The following CCDC80 variants were observed in gnomAD, a reference collection of about 807,000 sequenced individuals.
CCDC80 encodes the protein coiled-coil domain-containing protein 80.
A neutral mutation model predicts 78.7 loss-of-function variants in CCDC80; 49 were observed. The ratio of observed to expected loss-of-function variants is 0.62; its 90% CI spans 0.50 to 0.79. CCDC80 has a LOEUF of 0.79. Among genes scored for constraint, CCDC80 ranks in the 30% least tolerant of loss-of-function variants. The probability of loss-of-function intolerance (pLI) is 0.00; values close to 1 mark genes in which losing one functional copy is unlikely to be tolerated. For synonymous variants in CCDC80, 488 were observed against 447.0 expected, an observed-to-expected ratio of 1.09 and a Z score of -1.16; for missense variants, 1,205 against 1,198.6, an observed-to-expected ratio of 1.01 and a Z score of -0.08.
chr3:112,614,696 A>C (rs980341369), intron 5 of CCDC80, among the ~76,000 whole-genome samples: 1 of 152,198 alleles, frequency 6.6e-6, no homozygotes, highest in Non-Finnish European at 1.5e-5. Context: ...TCAGGGCCGA[A>C]ATTCTGTGGT....
intron 3 of CCDC80, among the ~76,000 whole-genome samples, chr3:112,622,887 G>C (rs555648496): frequency 1.8e-3 from 266 of 148,280 alleles, no homozygotes; most frequent in Non-Finnish European, 3.1e-3. Flanking sequence ...TGTTGGCCAG[G>C]CTGGTCTCAC....
At position 112,596,902 on chromosome 3, in the gene CCDC80, T is replaced by C. The variant is rs938289625; in HGVS notation, c.*8515A>G. ...GACATTCCATATTTAAGCTTCATAA[T>C]GTCCTTATTTGCACACATATACCAC... On this transcript the variant is annotated 3_prime_UTR_variant, in exon 8 of 8. Coordinates refer to ENST00000206423, the MANE Select transcript of CCDC80 (RefSeq NM_199511.3). The C allele has an allele frequency of 6.6e-6, 1 of 152,092 alleles. No homozygotes were observed. Among genetic ancestry groups the C allele is most frequent in the Non-Finnish European group, 1.5e-5 (1 of 68,002 alleles). 9.4% of individuals were successfully genotyped at this position (152,092 alleles called of 1,614,324 possible). A position where few individuals can be genotyped will look rare whatever the true frequency, so the allele number is the denominator to read the frequency against.
rs1439750628 is a variant in CCDC80, at chr3:112,607,260, A to C, written c.2426-4T>G. The C allele has an allele frequency of 1.9e-6, 3 of 1,607,518 alleles. No homozygotes were observed. Among genetic ancestry groups the C allele is most frequent in the Non-Finnish European group, 2.5e-6 (3 of 1,177,834 alleles). ...AGAATGGTTATGTGGCGCAGACCTG[A>C]GAGAAAAAAGAAAACCATAGGATTA... is the stretch of plus-strand genomic sequence containing the variant. On this transcript the variant is annotated splice_region_variant and splice_polypyrimidine_tract_variant and intron_variant, in intron 6 of 7. Coordinates refer to ENST00000206423, the MANE Select transcript of CCDC80 (RefSeq NM_199511.3).
chr3:112,617,761 A>AT (rs1186956966), intron 4 of CCDC80, among the ~76,000 whole-genome samples: 2 of 152,226 alleles, frequency 1.3e-5, no homozygotes, highest in Admixed American at 1.3e-4. Context: ...TTTCATGAAC[A>AT]TTTTTTGTGT....
intron 5 of CCDC80, among the ~76,000 whole-genome samples, chr3:112,611,805 C>A (rs1207174114): frequency 6.6e-6 from 1 of 152,194 alleles, no homozygotes; most frequent in Non-Finnish European, 1.5e-5. Context: ...GGTGTTGGTG[C>A]ACTCACAGAG....
intron 7 of CCDC80, 66 bp downstream of exon 7, chr3:112,607,110 A>G: frequency 5.8e-6 from 7 of 1,213,334 alleles, no homozygotes; most frequent in Middle Eastern, 1.9e-4. Context: ...CTGCTTGCAT[A>G]TAACTTAATG....
At chr3:112,617,511 A>G (rs960601321) in intron 4 of CCDC80, among the ~76,000 whole-genome samples, 11 of 152,214 alleles carry the variant, frequency 7.2e-5, no homozygotes, top group Admixed American at 6.5e-5. Flanking sequence ...ACATGGCTCG[A>G]AGCTCTGCCC....
chr3:112,627,937 G>C (rs1936011180), intron 3 of CCDC80, among the ~76,000 whole-genome samples: 1 of 151,950 alleles, frequency 6.6e-6, no homozygotes, highest in African/African-American at 2.4e-5. Context: ...AAAACAGTAG[G>C]ATTATGCTAA....
intron 3 of CCDC80, among the ~76,000 whole-genome samples, chr3:112,624,085 T>G (rs903657870): frequency 1.3e-5 from 2 of 152,160 alleles, no homozygotes; most frequent in Non-Finnish European, 2.9e-5. Flanking sequence ...AAGAAAGATA[T>G]ATGAAAAAGA....
At position 112,638,648 on chromosome 3, in the gene CCDC80, T is replaced by C. The variant is rs763727517; in HGVS notation, c.1258A>G (p.Lys420Glu). Residue 420 changes from lysine to glutamate, a missense_variant, in exon 2 of 8, where the codon AAG (lysine) becomes GAG (glutamate). Physicochemically the swap from Lys to Glu is moderately conservative, Grantham distance 56 (BLOSUM62 1). Coordinates refer to ENST00000206423, the MANE Select transcript of CCDC80 (RefSeq NM_199511.3). ...VSENLYPPSR[K>E]DQHRERPQTT... ...TGTGGCCTCTCCCTGTGCTGATCCT[T>C]CCGGGATGGAGGGTAAAGATTCTCT... 3 of 1,613,976 alleles carry C rather than the reference T, an allele frequency of 1.9e-6. No homozygotes were observed. Among genetic ancestry groups the C allele is most frequent in the Admixed American group, 1.7e-5 (1 of 60,010 alleles).
chr3:112,615,125 T>G (rs906533602), intron 5 of CCDC80, among the ~76,000 whole-genome samples: 1 of 152,218 alleles, frequency 6.6e-6, no homozygotes, highest in Non-Finnish European at 1.5e-5. Flanking sequence ...AGGATCAACA[T>G]AGCTAGTAAG....
chr3:112,637,358 A>T (rs1936227193), intron 2 of CCDC80, among the ~76,000 whole-genome samples: 1 of 152,190 alleles, frequency 6.6e-6, no homozygotes, highest in Non-Finnish European at 1.5e-5. Context: ...TAGAAATGGG[A>T]GAGGTAGGCT....
intron 3 of CCDC80, among the ~76,000 whole-genome samples, chr3:112,623,681 T>C (rs1935911596): frequency 6.6e-6 from 1 of 152,146 alleles, no homozygotes; most frequent in African/African-American, 2.4e-5. Flanking sequence ...GAGGAGAAAA[T>C]CTAAATCCTT....
intron 7 of CCDC80, 101 bp from the exon 8 acceptor site, chr3:112,605,864 A>T (rs1186216121): frequency 1.1e-6 from 1 of 930,548 alleles, no homozygotes; most frequent in Non-Finnish European, 1.6e-6. Context: ...GGGAGGACCC[A>T]TGAGCCTCTT....
In CCDC80 at chr3:112,605,599, C is replaced by T. The variant is rs765977366; in HGVS notation, c.2671G>A (p.Asp891Asn). 1.2e-6 allele frequency: 2 copies of T among 1,614,156 alleles called. No individual in the cohort carries two copies. Among genetic ancestry groups the T allele is most frequent in the Middle Eastern group, 1.6e-4 (1 of 6,062 alleles). Residue 891 changes from aspartate (D) to asparagine (N), a missense_variant, in exon 8 of 8, where the codon GAT (aspartate) becomes AAT (asparagine). Physicochemically the swap from Asp to Asn is conservative, Grantham distance 23. Coordinates refer to ENST00000206423, the MANE Select transcript of CCDC80 (RefSeq NM_199511.3). The part of the protein sequence containing the change: ...SPMWSMVIVY[D>N]LIDSMQLRRQ... ...CGAAGTTGCATCGAATCAATTAAAT[C>T]GTACACAATCACCATGGACCACATT... is the stretch of plus-strand genomic sequence containing the variant.
intron 6 of CCDC80, among the ~76,000 whole-genome samples, chr3:112,607,541 CTT>C (rs1233796715): frequency 6.6e-6 from 1 of 152,132 alleles, no homozygotes; most frequent in Non-Finnish European, 1.5e-5. Flanking sequence ...AATCCCAGCA[CTT>C]TGGGAGGCCG....
chr3:112,609,442 T>G (rs1419229704), intron 6 of CCDC80, among the ~76,000 whole-genome samples: 3 of 152,216 alleles, frequency 2.0e-5, no homozygotes, highest in African/African-American at 7.2e-5. Context: ...TTCTTAGTGC[T>G]CAGTTATAGA....
In CCDC80 at chr3:112,616,811, G is replaced by A. The variant is rs141976023; in HGVS notation, c.2220C>T (p.Ile740=). The stretch of plus-strand genomic sequence containing the variant: ...CTTTGATTCGGGACTGGAAAGTATC[G>A]ATCAGATCAAACACAGACTTCATTG... ...PITMKSVFDL[I]DTFQSRIKDM... is the part of the protein sequence containing the mutation. The change falls in exon 5 of 8, where the codon ATC becomes ATT. Residue 740 remains isoleucine (I), a synonymous_variant. Transcript: ENST00000206423. 39 of 1,613,900 alleles carry A rather than the reference G, an allele frequency of 2.4e-5. No homozygotes were observed. The highest frequency in any genetic ancestry group is 5.0e-5 in the Admixed American group (3 of 60,000).
chr3:112,622,607 A>T (rs1222082023), intron 3 of CCDC80, among the ~76,000 whole-genome samples: 2 of 152,188 alleles, frequency 1.3e-5, no homozygotes, highest in African/African-American at 4.8e-5. Flanking sequence ...CTCACTAATG[A>T]TTGTAAGGAT....
Sources: gnomAD v4.1 joint callset for allele counts (sites outside exome capture counted in the v4.1 genomes callset) on GRCh38, gnomAD v4.1.1 for gene constraint, MANE v1.5 for transcripts, NCBI Gene and HGNC (gene_info 2026-07-23, HGNC 2026-07-21) for gene names.